Variants in UFSP2 observed in about 807,000 individuals in gnomAD.
UFSP2 encodes the protein ufm1-specific protease 2.
Under a neutral mutation model 60.2 loss-of-function variants are expected in UFSP2, and 43 were observed. That is an observed-to-expected ratio of 0.71 (90% CI 0.56 to 0.92). The LOEUF is 0.92. Among genes scored for constraint, UFSP2 ranks in the 40% least tolerant of loss-of-function variants. The pLI, the probability that UFSP2 is intolerant of heterozygous loss-of-function variation, is 0.00. For synonymous variants in UFSP2, 183 were observed against 195.1 expected, an observed-to-expected ratio of 0.94 and a Z score of 0.52; for missense variants, 520 against 575.0, an observed-to-expected ratio of 0.90 and a Z score of 0.98.
In UFSP2 at chr4:185,411,328, A is replaced by G. The variant is rs890285631; in HGVS notation, c.831+2398T>C. Among the ~76,000 whole-genome samples the G allele has an allele frequency of 3.3e-5, 5 of 152,214 alleles. 1 individual carries two copies. The highest frequency in any genetic ancestry group is 4.1e-4 in the South Asian group (2 of 4,836). ...ATTGTTTTACAGGCAAGTTTTACCA[A>G]ATGACCAAGGAAAGATCATACCACT... is the stretch of plus-strand genomic sequence containing the variant. On this transcript the variant is annotated intron_variant, in intron 7 of 11. Transcript: ENST00000264689.
At position 185,416,796 on chromosome 4, in the gene UFSP2, A is replaced by C. The variant is rs1316088612; in HGVS notation, c.334-929T>G. Among the ~76,000 whole-genome samples the C allele has an allele frequency of 2.6e-5, 4 of 152,220 alleles. No individual in the cohort carries two copies. In the East Asian group the frequency reaches 7.7e-4, roughly 29 times the overall value. On this transcript the variant is annotated intron_variant, in intron 4 of 11. Transcript: ENST00000264689. ...ACTTCTATTGGCCAAATCTTGGAAA[A>C]TGTGAGCATCAAAATAACTAATGAT... is the stretch of plus-strand genomic sequence containing the variant.
chr4:185,418,305 G>T, intron 4 of UFSP2, 136 bp downstream of exon 4: 1 of 625,392 alleles, frequency 1.6e-6, no homozygotes, highest in Non-Finnish European at 2.6e-6. Flanking sequence ...ATAACTTTTG[G>T]CAAGTCATTT....
At position 185,413,910 on chromosome 4, in the gene UFSP2, T is replaced by C. The variant is rs201286860; in HGVS notation, c.685-38A>G. On this transcript the variant is annotated intron_variant, in intron 6 of 11. Coordinates refer to ENST00000264689, the MANE Select transcript of UFSP2 (RefSeq NM_018359.5). ...AGAATCAACAGAAAAAGAAAAAATGTTGGTGATTTAGATTCCTAGTCAATA... is the reference window on the plus strand; with the variant it reads ...AGAATCAACAGAAAAAGAAAAAATGCTGGTGATTTAGATTCCTAGTCAATA... 699 of 1,546,284 alleles carry C rather than the reference T, an allele frequency of 4.5e-4. 1 individual carries two copies. Among genetic ancestry groups the C allele is most frequent in the Admixed American group, 7.5e-4 (36 of 48,288 alleles).
chr4:185,423,128 G>A (rs1021959986), intron 1 of UFSP2, among the ~76,000 whole-genome samples: 1 of 152,154 alleles, frequency 6.6e-6, no homozygotes, highest in Non-Finnish European at 1.5e-5. Context: ...CAAAGTGCTG[G>A]GATTGCAGGC....
intron 1 of UFSP2, among the ~76,000 whole-genome samples, chr4:185,424,116 A>G (rs938647479): frequency 5.4e-5 from 8 of 148,020 alleles, no homozygotes; most frequent in African/African-American, 2.0e-4. Context: ...AGACTGGGCA[A>G]CATAGGAAGA....
rs943874086 is a variant in UFSP2 at position 185,399,845 on chromosome 4, T to C, written c.*547A>G. ...TGTTTGCATAGCATTTATTATTCCA[T>C]TTAATACTGACACTCGTATTTCTAG... On this transcript the variant is annotated 3_prime_UTR_variant, in exon 12 of 12. Transcript: ENST00000264689. 2.5e-4 allele frequency: 400 copies of C among 1,589,202 alleles called. 4 individuals are homozygous for C. In the South Asian group the frequency reaches 4.3e-3, roughly 17 times the overall value.
At position 185,399,865 on chromosome 4, in the gene UFSP2, T is replaced by A; in HGVS notation, c.*527A>T. ...TTCCATTTAATACTGACACTCGTAT[T>A]TCTAGTAGTATTGTTTCATTCTCAT... On this transcript the variant is annotated 3_prime_UTR_variant, in exon 12 of 12. Coordinates refer to ENST00000264689, the MANE Select transcript of UFSP2 (RefSeq NM_018359.5). 1 of 1,563,424 alleles carries A rather than the reference T, an allele frequency of 6.4e-7. No homozygotes were observed. The highest frequency in any genetic ancestry group is 8.7e-7 in the Non-Finnish European group (1 of 1,154,292).
chr4:185,404,691 T>G (rs574607764), intron 10 of UFSP2, among the ~76,000 whole-genome samples: 1 of 151,988 alleles, frequency 6.6e-6, no homozygotes. Context: ...GCTCAAGCGA[T>G]TCTCCTGTTT....
chr4:185,415,166 C>G lies in UFSP2; in HGVS notation c.673G>C (p.Ala225Pro). The change falls in exon 6 of 12, where the codon GCC becomes CCC. Residue 225 changes from alanine to proline, a missense_variant. Ala to Pro is a conservative substitution (Grantham distance 27, BLOSUM62 -1). Coordinates refer to ENST00000264689, the MANE Select transcript of UFSP2 (RefSeq NM_018359.5). ...PSGIPDGQLQAYRKELHDLFN... is the reference protein window; with the variant it reads ...PSGIPDGQLQPYRKELHDLFN... ...TGAACTGGTTTTACCTTCCTATAGG[C>G]CTGCAGCTGGCCATCTGGTATTCCT... is the stretch of plus-strand genomic sequence containing the variant. 1.3e-6 allele frequency: 2 copies of G among 1,598,110 alleles called. No homozygotes were observed. The highest frequency in any genetic ancestry group is 1.7e-6 in the Non-Finnish European group (2 of 1,176,354).
intron 1 of UFSP2, among the ~76,000 whole-genome samples, chr4:185,423,607 T>C (rs1033617939): frequency 1.3e-5 from 2 of 152,196 alleles, no homozygotes; most frequent in Non-Finnish European, 1.5e-5. Context: ...AATCATGTTT[T>C]TGCTGAAAAT....
chr4:185,406,334 G>A (rs1227742676), intron 9 of UFSP2, among the ~76,000 whole-genome samples: 1 of 152,160 alleles, frequency 6.6e-6, no homozygotes, highest in African/African-American at 2.4e-5. Context: ...ATACATGTCT[G>A]TGAAATCAAT....
Position 185,400,135 on chromosome 4 carries a change from C to G in UFSP2, c.*257G>C. 1.0e-6 allele frequency: 1 copy of G among 983,382 alleles called. No individual in the cohort carries two copies. Among genetic ancestry groups the G allele is most frequent in the East Asian group, 2.5e-5 (1 of 40,106 alleles). 60.9% of individuals were successfully genotyped at this position (983,382 alleles called of 1,614,324 possible). A position where few individuals can be genotyped will look rare whatever the true frequency, so the allele number is the denominator to read the frequency against. ...ATCTCCTTCTGAGAAGGACGAAAAACTTTCTTCCAAGTGAAGATCCATTTA... is the reference window on the plus strand; with the variant it reads ...ATCTCCTTCTGAGAAGGACGAAAAAGTTTCTTCCAAGTGAAGATCCATTTA... On this transcript the variant is annotated 3_prime_UTR_variant, in exon 12 of 12. Coordinates refer to ENST00000264689, the MANE Select transcript of UFSP2 (RefSeq NM_018359.5).
intron 11 of UFSP2, among the ~76,000 whole-genome samples, chr4:185,401,669 AATGGCAGG>A (rs1442643425): frequency 1.3e-5 from 2 of 152,316 alleles, no homozygotes; most frequent in Admixed American, 6.5e-5. Flanking sequence ...CAATAGTTTT[AATGGCAGG>A]ACCTTGGCTG....
chr4:185,405,661 G>A (rs949826552), intron 10 of UFSP2, 119 bp downstream of exon 10: 1 of 1,125,370 alleles, frequency 8.9e-7, no homozygotes, highest in Admixed American at 2.4e-5. Context: ...TACATATGGT[G>A]TAAAAGTTAA....
intron 10 of UFSP2, 84 bp from the exon 11 acceptor site, chr4:185,403,702 C>A (rs375628593): frequency 7.3e-6 from 11 of 1,516,272 alleles, no homozygotes; most frequent in Non-Finnish European, 9.7e-6. Flanking sequence ...AGATTACGGC[C>A]GGGCGTGGTG....
In UFSP2 at chr4:185,399,810, A is replaced by G; in HGVS notation, c.*582T>C. 4 of 1,612,318 alleles carry G rather than the reference A, an allele frequency of 2.5e-6. No homozygotes were observed. ...AGAGCTGCTGCTTTTTTCCTCCCGC[A>G]GTGATCTCTTGTTTGCATAGCATTT... On this transcript the variant is annotated 3_prime_UTR_variant, in exon 12 of 12. Transcript: ENST00000264689.
At position 185,400,414 on chromosome 4, in the gene UFSP2, G is replaced by A. The variant is rs1230037634; in HGVS notation, c.1388C>T (p.Pro463Leu). 1 of 1,613,310 alleles carries A rather than the reference G, an allele frequency of 6.2e-7. No homozygotes were observed. The highest frequency in any genetic ancestry group is 8.5e-7 in the Non-Finnish European group (1 of 1,179,596). Reference protein sequence around the residue: ...NKDAYYNLCLPQRPNMI With the variant: ...NKDAYYNLCLLQRPNMI Reference sequence around the variant, plus strand: ...ATTTTAAATCATATTTGGTCGCTGAGGAAGACATAAGTTATAGTATGCATC... The same window carrying A: ...ATTTTAAATCATATTTGGTCGCTGAAGAAGACATAAGTTATAGTATGCATC... The change falls in exon 12 of 12, where the codon CCT becomes CTT. Residue 463 changes from proline to leucine, a missense_variant. Coordinates refer to ENST00000264689, the MANE Select transcript of UFSP2 (RefSeq NM_018359.5).
intron 2 of UFSP2, among the ~76,000 whole-genome samples, chr4:185,420,653 G>A (rs1391816913): frequency 1.3e-5 from 2 of 152,096 alleles, no homozygotes; most frequent in African/African-American, 2.4e-5. Context: ...CACTACAAAA[G>A]ACAAACATAA....
intron 11 of UFSP2, 188 bp from the exon 12 acceptor site, chr4:185,400,666 CT>C (rs2095512209): frequency 2.4e-6 from 1 of 422,684 alleles, no homozygotes. Context: ...GGTTTTTGAA[CT>C]TTTAATTCTA....
Sources: allele counts gnomAD v4.1 joint callset (sites outside exome capture counted in the v4.1 genomes callset), GRCh38; gene constraint gnomAD v4.1.1; transcripts MANE v1.5; gene names NCBI Gene and HGNC (gene_info 2026-07-23, HGNC 2026-07-21).